Variants in ZFP57 observed in about 807,000 individuals in gnomAD.
ZFP57 encodes ZFP57 zinc finger protein.
ZFP57 carries 12 observed loss-of-function variants against 15.8 expected under a neutral mutation model. The observed-to-expected ratio is 0.76, with a 90% CI of 0.49 to 1.23. The LOEUF is 1.23. Ranked by LOEUF, ZFP57 falls within the 50% of genes most tolerant of loss-of-function variation. ZFP57 has a pLI of 0.00. For missense variants in ZFP57, 536 were observed against 654.9 expected (o/e 0.82, Z 1.98); for synonymous variants, 203 against 242.3 (o/e 0.84, Z 1.51).
At chr6:29,678,173 C>T (rs1387932819) in intron 1 of ZFP57, among the ~76,000 whole-genome samples, 1 of 152,232 alleles carries the variant, frequency 6.6e-6, no homozygotes, top group Non-Finnish European at 1.5e-5. Context: ...CACTGCACTC[C>T]AGCCTGGGAC....
intron 1 of ZFP57, among the ~76,000 whole-genome samples, chr6:29,679,706 T>A (rs1275116455): frequency 6.6e-6 from 1 of 152,160 alleles, no homozygotes; most frequent in African/African-American, 2.4e-5. Flanking sequence ...CTGACCAACA[T>A]GGACCTCGTC....
At chr6:29,679,130 C>G (rs796586327) in intron 1 of ZFP57, among the ~76,000 whole-genome samples, 139 of 152,348 alleles carry the variant, frequency 9.1e-4, no homozygotes, top group African/African-American at 3.1e-3. Flanking sequence ...ATACTGCTAA[C>G]AACCCAAGAG....
intron 1 of ZFP57, among the ~76,000 whole-genome samples, chr6:29,678,403 T>C (rs1269289698): frequency 6.6e-6 from 1 of 152,336 alleles, no homozygotes; most frequent in South Asian, 2.1e-4. Flanking sequence ...TTGACTACTG[T>C]AGTATAGCAG....
intron 3 of ZFP57, 140 bp downstream of exon 3, chr6:29,675,793 G>T: frequency 9.6e-7 from 1 of 1,046,414 alleles, no homozygotes; most frequent in Non-Finnish European, 1.5e-6. Context: ...TGAGCTTAGT[G>T]ACTCAGATCT....
At chr6:29,676,479 T>C (rs1772076474) in intron 2 of ZFP57, among the ~76,000 whole-genome samples, 1 of 137,538 alleles carries the variant, frequency 7.3e-6, no homozygotes, top group African/African-American at 2.8e-5. Context: ...GAGGTAGCAG[T>C]GAGCCAAGAT....
At chr6:29,677,587 T>TGTTTAAA (rs959380664) in intron 1 of ZFP57, among the ~76,000 whole-genome samples, 3 of 152,244 alleles carry the variant, frequency 2.0e-5, no homozygotes, top group Admixed American at 2.0e-4. Flanking sequence ...CAAAAGTTAA[T>TGTTTAAA]GTTTAAACCT....
rs537842563 is a variant in ZFP57, at chr6:29,676,176, A to T, written c.124-117T>A. 7 of 1,107,644 alleles carry T rather than the reference A, an allele frequency of 6.3e-6. No homozygotes were observed. The Admixed American group carries it at 8.6e-5, about 14-fold the overall frequency. 68.6% of individuals were successfully genotyped at this position (1,107,644 alleles called of 1,614,324 possible). A position where few individuals can be genotyped will look rare whatever the true frequency, so the allele number is the denominator to read the frequency against. The stretch of plus-strand genomic sequence containing the variant: ...TTCAGAGAATTAAAACCTAAGAGAA[A>T]GATAAAACCATGGAAGGAAGAGAGA... On this transcript the variant is annotated intron_variant, in intron 2 of 4. Transcript: ENST00000376883.
chr6:29,672,830 C>G lies in ZFP57; in HGVS notation c.1281G>C (p.Leu427=). 1 of 1,613,044 alleles carries G rather than the reference C, an allele frequency of 6.2e-7. No individual in the cohort carries two copies. The highest frequency in any genetic ancestry group is 8.5e-7 in the Non-Finnish European group (1 of 1,180,026). The change falls in exon 5 of 5, where the codon CTG becomes CTC. Residue 427 remains leucine, a synonymous_variant. Coordinates refer to ENST00000376883, the MANE Select transcript of ZFP57 (RefSeq NM_001109809.5). The stretch of plus-strand genomic sequence containing the variant: ...TCCAGTGGGTCTGCTGGTGTCTGAC[C>G]AGCCTGGAAAATGAGCTGAAAGACT... ...CSKSFSSFSR[L]VRHQQTHWKQ... is the part of the protein sequence containing the mutation.
At chr6:29,676,096 A>ATGTGTGTGTGTGTGTG (rs748153324) in intron 2 of ZFP57, 37 bp from the exon 3 acceptor site, 10 of 1,066,838 alleles carry the variant, frequency 9.4e-6, no homozygotes, top group Admixed American at 2.5e-5. Context: ...GTTTATATAA[A>ATGTGTGTGTGTGTGTG]TATATATGTG....
rs763778116 is a variant in ZFP57, at chr6:29,672,762, C to G, written c.1349G>C (p.Gly450Ala). ...GTGATCCATAAGGCCCTCTTTCTCCCCAAAGGAGAGGTCACAGATAGGGCA... is the reference window on the plus strand; with the variant it reads ...GTGATCCATAAGGCCCTCTTTCTCCGCAAAGGAGAGGTCACAGATAGGGCA... ...YLCPICDLSF[G>A]EKEGLMDHWR... The change falls in exon 5 of 5, where the codon GGG becomes GCG. Residue 450 changes from glycine to alanine, a missense_variant. By Grantham distance (60) the Gly-to-Ala change is moderately conservative. Transcript: ENST00000376883. The G allele has an allele frequency of 1.2e-6, 2 of 1,613,040 alleles. No homozygotes were observed. The highest frequency in any genetic ancestry group is 2.2e-5 in the East Asian group (1 of 44,886).
chr6:29,673,447 T>C lies in ZFP57; in HGVS notation c.664A>G (p.Arg222Gly). ...GGCCTCTCCCCAAGATGCATGCGTC[T>C]GTGATAGCTGAGGGACTTGGGGCTC... ...FRSPKSLSYH[R>G]RMHLGERPFC... Residue 222 changes from arginine to glycine, a missense_variant, in exon 5 of 5, where the codon AGA becomes GGA. Physicochemically the swap from Arg to Gly is moderately radical, Grantham distance 125. Coordinates refer to ENST00000376883, the MANE Select transcript of ZFP57 (RefSeq NM_001109809.5). The surrounding 1 kb of genome is among the most constrained non-coding windows in gnomAD (Gnocchi z 4.7). 1 of 1,613,124 alleles carries C rather than the reference T, an allele frequency of 6.2e-7. No homozygotes were observed. The highest frequency in any genetic ancestry group is 8.5e-7 in the Non-Finnish European group (1 of 1,180,040).
In ZFP57 at chr6:29,673,431, C is replaced by T; in HGVS notation, c.680G>A (p.Gly227Glu). 6.2e-7 allele frequency: 1 copy of T among 1,613,104 alleles called. No homozygotes were observed. The highest frequency in any genetic ancestry group is 8.5e-7 in the Non-Finnish European group (1 of 1,180,048). ...SLSYHRRMHL[G>E]ERPFCCTLCD... is the part of the protein sequence containing the mutation. The stretch of plus-strand genomic sequence containing the variant: ...GAGCGTGCAACAGAAGGGCCTCTCC[C>T]CAAGATGCATGCGTCTGTGATAGCT... The change falls in exon 5 of 5, where the codon GGG becomes GAG. Residue 227 changes from glycine (G) to glutamate (E), a missense_variant. By Grantham distance (98) the Gly-to-Glu change is moderately conservative. Transcript: ENST00000376883. The surrounding 1 kb of genome is among the most constrained non-coding windows in gnomAD (Gnocchi z 4.7).
chr6:29,680,137 C>T (rs573023043), intron 1 of ZFP57, among the ~76,000 whole-genome samples: 1 of 152,244 alleles, frequency 6.6e-6, no homozygotes, highest in Non-Finnish European at 1.5e-5. Flanking sequence ...GGCCCCAAAC[C>T]TCATGCCGGC....
At chr6:29,680,622 G>A (rs1583184644) in intron 1 of ZFP57, among the ~76,000 whole-genome samples, 1 of 152,150 alleles carries the variant, frequency 6.6e-6, no homozygotes, top group Admixed American at 6.5e-5. Flanking sequence ...TTGTCATTGG[G>A]CGCCCAGATC....
In ZFP57 at chr6:29,672,610, C is replaced by T. The variant is rs896106578; in HGVS notation, c.1501G>A (p.Gly501Ser). The T allele has an allele frequency of 1.2e-5, 19 of 1,611,540 alleles. No individual in the cohort carries two copies. Among genetic ancestry groups the T allele is most frequent in the Non-Finnish European group, 1.4e-5 (17 of 1,178,790 alleles). ...TMAGEEWKHG[G>S]DQSPPRIHTP... is the part of the protein sequence containing the mutation. ...TGGATCCTGGGGGGAGATTGATCAC[C>T]TCCATGCTTCCATTCCTCCCCAGCC... The change falls in exon 5 of 5, where the codon GGT becomes AGT. Residue 501 changes from glycine to serine, a missense_variant. Coordinates refer to ENST00000376883, the MANE Select transcript of ZFP57 (RefSeq NM_001109809.5).
Position 29,673,799 on chromosome 6 carries a change from G to A in ZFP57, c.353-41C>T. ...AAGAATAACACAAAATTCACTGTAA[G>A]AACTCCAACAGAGGCTTGGCATGGT... is the stretch of plus-strand genomic sequence containing the variant. On this transcript the variant is annotated intron_variant, in intron 4 of 4. Transcript: ENST00000376883. The surrounding 1 kb of genome is among the most constrained non-coding windows in gnomAD (Gnocchi z 4.7). 1 of 1,610,940 alleles carries A rather than the reference G, an allele frequency of 6.2e-7. No homozygotes were observed. Among genetic ancestry groups the A allele is most frequent in the Non-Finnish European group, 8.5e-7 (1 of 1,178,484 alleles).
At chr6:29,672,476 A>C, downstream of ZFP57, 1 of 1,612,856 alleles carries the variant, frequency 6.2e-7, no homozygotes, top group Non-Finnish European at 8.5e-7. Context: ...AAACACAAAG[A>C]AAGAGCTCAG....
chr6:29,675,762 A>C (rs568054786), intron 3 of ZFP57, among the ~76,000 whole-genome samples, 171 bp downstream of exon 3: 1 of 152,300 alleles, frequency 6.6e-6, no homozygotes, highest in African/African-American at 2.4e-5. Context: ...CATGCAGGCT[A>C]TCATTTCTTC....
In ZFP57 at chr6:29,677,128, GCC is replaced by G; in HGVS notation, c.-127_-126del. On this transcript the variant is annotated 5_prime_UTR_variant, in exon 2 of 5. Coordinates refer to ENST00000376883, the MANE Select transcript of ZFP57 (RefSeq NM_001109809.5). ...GGGCAGATGGAGAGGCCCAGCAAAG[GCC>G]CCAGGGTTTGATGTGGCTTCCTGTG... 7.1e-7 allele frequency: 1 copy of G among 1,412,514 alleles called. No homozygotes were observed. Among genetic ancestry groups the G allele is most frequent in the Non-Finnish European group, 9.9e-7 (1 of 1,008,186 alleles). 87.5% of individuals were successfully genotyped at this position (1,412,514 alleles called of 1,614,324 possible).
Sources: allele counts gnomAD v4.1 joint callset (sites outside exome capture counted in the v4.1 genomes callset), GRCh38; gene constraint gnomAD v4.1.1; non-coding constraint Gnocchi (gnomAD v3.1); transcripts MANE v1.5; gene names NCBI Gene and HGNC (gene_info 2026-07-23, HGNC 2026-07-21).